COLEC10: variants seen among roughly 807,000 people sequenced by gnomAD.
COLEC10 encodes collectin-10.
Under a neutral mutation model 28.4 loss-of-function variants are expected in COLEC10, and 22 were observed. The observed-to-expected ratio is 0.78, with a 90% CI of 0.55 to 1.11. COLEC10 has a LOEUF of 1.11. Among genes scored for constraint, COLEC10 ranks in the 50% least tolerant of loss-of-function variants. COLEC10 has a pLI of 0.00. For synonymous variants in COLEC10, 125 were observed against 116.1 expected (o/e 1.08, Z -0.49); for missense variants, 361 against 344.1 (o/e 1.05, Z -0.39).
intron 2 of COLEC10, among the ~76,000 whole-genome samples, chr8:119,042,323 G>T (rs1814514278): frequency 6.6e-6 from 1 of 151,924 alleles, no homozygotes; most frequent in Admixed American, 6.6e-5. Flanking sequence ...TGTGTCTCTG[G>T]CATTTGTGAT....
intron 2 of COLEC10, among the ~76,000 whole-genome samples, 161 bp from the exon 3 acceptor site, chr8:119,090,988 T>C (rs1348333950): frequency 2.0e-5 from 3 of 152,200 alleles, no homozygotes; most frequent in Admixed American, 2.0e-4. Context: ...ATACATACAT[T>C]ATAAGTCTGT....
chr8:119,067,357 C>G lies in COLEC10; in HGVS notation c.76C>G (p.Leu26Val). Residue 26 changes from leucine (L) to valine (V), a missense_variant, in exon 1 of 6, where the codon CTG (leucine) becomes GTG (valine). This residue lies in a region of COLEC10 where 335 missense variants were observed against 308.5 expected (regional missense o/e 1.09). Coordinates refer to ENST00000332843, the MANE Select transcript of COLEC10 (RefSeq NM_006438.5). ...ACTATTTCTTTTGCAAATTCAGAGT[C>G]TGGGTCTGGATATTGATAGCCGTCC... ...LVLFLLQIQS[L>V]GLDIDSRPTA... 6.2e-7 allele frequency: 1 copy of G among 1,614,074 alleles called. No homozygotes were observed.
chr8:119,020,120 C>T (rs932243222), intron 2 of COLEC10, among the ~76,000 whole-genome samples: 1 of 152,056 alleles, frequency 6.6e-6, no homozygotes, highest in African/African-American at 2.4e-5. Context: ...CCTTTTTCCC[C>T]TCATTTTATC....
the COLEC10 span, among the ~76,000 whole-genome samples, chr8:118,963,838 A>G: frequency 2.6e-5 from 4 of 152,132 alleles, no homozygotes; most frequent in African/African-American, 9.7e-5. Flanking sequence ...GAACAAATTA[A>G]TAACTGGATA....
the COLEC10 span, among the ~76,000 whole-genome samples, chr8:118,964,047 T>C: frequency 6.6e-6 from 1 of 152,068 alleles, no homozygotes; most frequent in African/African-American, 2.4e-5. Flanking sequence ...ATGGAGCAAA[T>C]AAATGGGGAC....
intron 2 of COLEC10, among the ~76,000 whole-genome samples, chr8:119,026,985 T>C (rs78237839): frequency 0.018 from 2,758 of 152,292 alleles, 40 homozygotes; most frequent in Middle Eastern, 0.061. Context: ...TAGGGAAATA[T>C]GCTGTGGTCC....
chr8:119,071,585 C>G (rs1004411705), intron 1 of COLEC10, among the ~76,000 whole-genome samples: 25 of 152,126 alleles, frequency 1.6e-4, no homozygotes, highest in Non-Finnish European at 3.5e-4. Context: ...GCCTACCTAC[C>G]CCTGTACTCT....
At chr8:119,076,291 T>A (rs917053873) in intron 1 of COLEC10, among the ~76,000 whole-genome samples, 5 of 150,566 alleles carry the variant, frequency 3.3e-5, no homozygotes, top group African/African-American at 9.8e-5. Context: ...GACGGAGTTT[T>A]GCTCTTGTTG....
rs144187708 is a variant in COLEC10, at chr8:119,010,828, C to T, written n.235+1275C>T. 2.4e-4 allele frequency among the ~76,000 whole-genome samples: 36 copies of T among 151,122 alleles called. 1 individual carries two copies. In the East Asian group the frequency reaches 4.1e-3, roughly 17 times the overall value. On this transcript the variant is annotated intron_variant and non_coding_transcript_variant, in intron 2 of 6. Transcript: ENST00000521788. ...GTGAGGTGTCTGTTAATGTCTGTGG[C>T]CCACTTTTTAATTGGGTTGTTAGCT... is the stretch of plus-strand genomic sequence containing the variant.
chr8:119,018,878 C>T (rs550713412), intron 2 of COLEC10, among the ~76,000 whole-genome samples: 1 of 152,252 alleles, frequency 6.6e-6, no homozygotes, highest in African/African-American at 2.4e-5. Flanking sequence ...ACACATCCCC[C>T]CAGTACCCAG....
chr8:118,973,294 G>A, the COLEC10 span, among the ~76,000 whole-genome samples: 8 of 151,932 alleles, frequency 5.3e-5, no homozygotes, highest in Non-Finnish European at 7.4e-5. Context: ...ACTTCTATGG[G>A]TCAGGAGTCT....
chr8:119,021,308 C>T (rs2130107239), intron 2 of COLEC10, among the ~76,000 whole-genome samples: 1 of 152,270 alleles, frequency 6.6e-6, no homozygotes, highest in South Asian at 2.1e-4. Context: ...ATGACTTAAA[C>T]ATTTCTTAAA....
At chr8:118,978,218 A>C in the COLEC10 span, among the ~76,000 whole-genome samples, 1 of 152,138 alleles carries the variant, frequency 6.6e-6, no homozygotes, top group Admixed American at 6.6e-5. Flanking sequence ...TTTCAAGGGA[A>C]GTCGCAAAAC....
At chr8:119,035,006 A>G (rs1476026092) in intron 2 of COLEC10, among the ~76,000 whole-genome samples, 1 of 152,208 alleles carries the variant, frequency 6.6e-6, no homozygotes, top group East Asian at 1.9e-4. Context: ...TAGCGGCAAT[A>G]CTAATAGGGT....
the COLEC10 span, among the ~76,000 whole-genome samples, chr8:118,984,217 C>G: frequency 6.6e-6 from 1 of 151,974 alleles, no homozygotes; most frequent in South Asian, 2.1e-4. Flanking sequence ...ATATCCTAAG[C>G]AAACTAACAC....
At chr8:118,983,446 G>T in the COLEC10 span, among the ~76,000 whole-genome samples, 1 of 152,000 alleles carries the variant, frequency 6.6e-6, no homozygotes, top group African/African-American at 2.4e-5. Context: ...AACCACATGG[G>T]CTTATTTTAT....
chr8:118,980,752 G>A, the COLEC10 span, among the ~76,000 whole-genome samples: 2 of 150,172 alleles, frequency 1.3e-5, no homozygotes, highest in Non-Finnish European at 1.5e-5. Flanking sequence ...TTATAGACAC[G>A]TTCAAAAATT....
At chr8:119,001,006 G>A (rs973481253) in intron 1 of COLEC10, among the ~76,000 whole-genome samples, 1 of 152,136 alleles carries the variant, frequency 6.6e-6, no homozygotes, top group Non-Finnish European at 1.5e-5. Context: ...AGGAGTTATG[G>A]TCTGGACATT....
chr8:119,102,237 TC>T, intron 3 of COLEC10, 110 bp from the exon 4 acceptor site: 1 of 252,834 alleles, frequency 4.0e-6, no homozygotes, highest in South Asian at 4.0e-5. Context: ...CCTCCCTCCC[TC>T]CCTCCTTCCT....
Sources: allele counts gnomAD v4.1 joint callset (sites outside exome capture counted in the v4.1 genomes callset), GRCh38; gene constraint gnomAD v4.1.1; regional missense constraint gnomAD v4.1.1; transcripts MANE v1.5; gene names NCBI Gene and HGNC (gene_info 2026-07-23, HGNC 2026-07-21).